MFAP3L: variants seen among roughly 807,000 people sequenced by gnomAD.
MFAP3L encodes the protein microfibril associated protein 3 like, also known as microfibrillar-associated protein 3-like.
MFAP3L carries 5 observed loss-of-function variants against 20.0 expected under a neutral mutation model. That is an observed-to-expected ratio of 0.25 (90% CI 0.13 to 0.53). The LOEUF is 0.53. Among genes scored for constraint, MFAP3L ranks in the 20% least tolerant of loss-of-function variants. The probability of loss-of-function intolerance (pLI) is 0.96; values close to 1 mark genes in which losing one functional copy is unlikely to be tolerated. For missense variants in MFAP3L, 409 were observed against 527.5 expected (o/e 0.78, Z 2.20); for synonymous variants, 219 against 213.0 (o/e 1.03, Z -0.25).
At chr4:170,013,969 A>G (rs1581512088) in intron 1 of MFAP3L, among the ~76,000 whole-genome samples, 1 of 152,208 alleles carries the variant, frequency 6.6e-6, no homozygotes, top group Admixed American at 6.5e-5. Context: ...GGACAGACAC[A>G]CTGATGCAGG....
intron 2 of MFAP3L, chr4:169,994,486 G>T: frequency 1.0e-6 from 1 of 977,986 alleles, no homozygotes; most frequent in Non-Finnish European, 1.2e-6. Flanking sequence ...AATAAAATGT[G>T]AAAATACTAG....
chr4:170,025,296 TA>T (rs1740283043), intron 1 of MFAP3L, among the ~76,000 whole-genome samples: 1 of 152,220 alleles, frequency 6.6e-6, no homozygotes, highest in African/African-American at 2.4e-5. Context: ...GTGTTTCATC[TA>T]GAAACAAAAG....
At chr4:170,016,490 G>A (rs1480913090) in intron 1 of MFAP3L, among the ~76,000 whole-genome samples, 2 of 152,108 alleles carry the variant, frequency 1.3e-5, no homozygotes, top group African/African-American at 2.4e-5. Flanking sequence ...ATGTGAAACC[G>A]TGCCCACCCC....
Position 170,005,606 on chromosome 4 carries a change from TC to T in MFAP3L, c.271del (p.Glu91LysfsTer20). On this transcript the variant is annotated frameshift_variant, in exon 2 of 3. Transcript: ENST00000361618. LOFTEE classifies it high-confidence loss of function. ...TCCTCCTCTCTCCTTCTCATCCTCT[TC>T]TTCTTTCAGCAGCTTGCCAATGGAA... ...YNSIGKLLKEEEDEKERGGGK... is the reference protein window; with the variant it reads ...YNSIGKLLKEXEDEKERGGGK... The T allele has an allele frequency of 6.2e-7, 1 of 1,614,200 alleles. No individual in the cohort carries two copies. Among genetic ancestry groups the T allele is most frequent in the Non-Finnish European group, 8.5e-7 (1 of 1,180,016 alleles).
intron 2 of MFAP3L, chr4:170,003,771 G>T: frequency 1.0e-6 from 1 of 985,468 alleles, no homozygotes; most frequent in Non-Finnish European, 1.2e-6. Context: ...CAGCCCTGCA[G>T]AAAGACCTGC....
chr4:170,011,510 A>G (rs1739378275), intron 1 of MFAP3L, among the ~76,000 whole-genome samples: 1 of 152,202 alleles, frequency 6.6e-6, no homozygotes, highest in Non-Finnish European at 1.5e-5. Flanking sequence ...CAAATGTGAT[A>G]ATCACAGGAA....
In MFAP3L at chr4:169,989,130, T is replaced by G. The variant is rs148358643; in HGVS notation, c.*2248A>C. The G allele has an allele frequency of 6.6e-6, 1 of 152,272 alleles. No homozygotes were observed. Among genetic ancestry groups the G allele is most frequent in the African/African-American group, 2.4e-5 (1 of 41,550 alleles). The allele number at this position is 152,272 out of a possible 1,614,324, so 9.4% of individuals were successfully genotyped here. A position where few individuals can be genotyped will look rare whatever the true frequency, so the allele number is the denominator to read the frequency against. On this transcript the variant is annotated 3_prime_UTR_variant, in exon 3 of 3. Coordinates refer to ENST00000361618, the MANE Select transcript of MFAP3L (RefSeq NM_021647.8). ...GGACCTCCATGACAACTGGAAAATT[T>G]TTATATTCTAAGAGGTGGTGTTAAA...
At chr4:170,001,841 C>T (rs1738643840) in intron 2 of MFAP3L, 1 of 802,470 alleles carries the variant, frequency 1.2e-6, no homozygotes, top group African/African-American at 1.9e-5. Flanking sequence ...TCTCCTGATC[C>T]TGTGGAATTG....
Position 169,991,851 on chromosome 4 carries a change from T to C in MFAP3L, c.757A>G (p.Ile253Val), listed in dbSNP as rs773101411. 3 of 1,614,170 alleles carry C rather than the reference T, an allele frequency of 1.9e-6. No individual in the cohort carries two copies. The highest frequency in any genetic ancestry group is 1.1e-5 in the South Asian group (1 of 91,084). The change falls in exon 3 of 3, where the codon ATC (isoleucine) becomes GTC (valine). Residue 253 changes from isoleucine to valine, a missense_variant. Physicochemically the swap from Ile to Val is conservative, Grantham distance 29. Transcript: ENST00000361618. This position sits in a 1 kb window ranked among gnomAD's most constrained non-coding sequence, Gnocchi z 4.9. ...ACCACCTCCATAATCTCCTCCATGATAGTCCTGCAGTTCATAATGAGAGGC... is the reference window on the plus strand; with the variant it reads ...ACCACCTCCATAATCTCCTCCATGACAGTCCTGCAGTTCATAATGAGAGGC... ...LPPLIMNCRT[I>V]MEEIMEVVGL...
chr4:170,026,628 C>A (rs1204492393), upstream of MFAP3L, among the ~76,000 whole-genome samples: 1 of 152,052 alleles, frequency 6.6e-6, no homozygotes, highest in Non-Finnish European at 1.5e-5. Flanking sequence ...GCATTCAGTC[C>A]GCTCAGCCTC....
chr4:170,003,952 T>C lies in MFAP3L; in HGVS notation c.298+1628A>G. On this transcript the variant is annotated intron_variant, in intron 2 of 2. Coordinates refer to ENST00000361618, the MANE Select transcript of MFAP3L (RefSeq NM_021647.8). ...TTCCACTGTCAGTAGTGAAGGTTCTTGTTATAGCCACTTTTTAAAATTGAG... is the reference window on the plus strand; with the variant it reads ...TTCCACTGTCAGTAGTGAAGGTTCTCGTTATAGCCACTTTTTAAAATTGAG... The C allele has an allele frequency of 5.1e-6, 3 of 592,066 alleles. No homozygotes were observed. In the South Asian group the frequency reaches 2.2e-4, roughly 44 times the overall value. 36.7% of individuals were successfully genotyped at this position (592,066 alleles called of 1,614,324 possible).
chr4:169,998,397 C>T (rs190471313), intron 2 of MFAP3L, among the ~76,000 whole-genome samples: 1 of 152,324 alleles, frequency 6.6e-6, no homozygotes, highest in East Asian at 1.9e-4. Context: ...CAAATTACTG[C>T]TGTACAGCAA....
At chr4:170,021,102 G>T (rs1740008581) in intron 1 of MFAP3L, among the ~76,000 whole-genome samples, 1 of 152,176 alleles carries the variant, frequency 6.6e-6, no homozygotes, top group African/African-American at 2.4e-5. Context: ...AGGGAAAGCA[G>T]AGTACAAGCT....
At chr4:170,013,301 G>A (rs1739497756) in intron 1 of MFAP3L, among the ~76,000 whole-genome samples, 1 of 152,142 alleles carries the variant, frequency 6.6e-6, no homozygotes, top group Non-Finnish European at 1.5e-5. Flanking sequence ...GGTTAAGCCT[G>A]ATCATCAGAA....
chr4:170,010,874 G>C (rs1048762281), intron 1 of MFAP3L, among the ~76,000 whole-genome samples: 1 of 152,044 alleles, frequency 6.6e-6, no homozygotes, highest in Non-Finnish European at 1.5e-5. Flanking sequence ...AGATAATTAG[G>C]GTGATCTCTG....
intron 1 of MFAP3L, among the ~76,000 whole-genome samples, chr4:170,017,364 T>C (rs1022059405): frequency 6.6e-6 from 1 of 152,176 alleles, no homozygotes; most frequent in African/African-American, 2.4e-5. Context: ...CTATGATAAC[T>C]AACTCCCCTT....
chr4:170,008,055 A>G (rs1456816681), intron 1 of MFAP3L, among the ~76,000 whole-genome samples: 1 of 152,292 alleles, frequency 6.6e-6, no homozygotes, highest in East Asian at 1.9e-4. Context: ...GAGTAAAGAG[A>G]AGGGGATACT....
intron 1 of MFAP3L, among the ~76,000 whole-genome samples, chr4:170,014,538 G>C (rs111840695): frequency 0.048 from 7,233 of 152,262 alleles, 245 homozygotes; most frequent in Non-Finnish European, 0.075. Flanking sequence ...CACAAGTCCA[G>C]GCTGTGCGCG....
At chr4:170,000,331 T>G (rs1738525563) in intron 2 of MFAP3L, among the ~76,000 whole-genome samples, 1 of 152,118 alleles carries the variant, frequency 6.6e-6, no homozygotes, top group South Asian at 2.1e-4. Flanking sequence ...TTTGGAAAGG[T>G]TGAGAAATTG....
Sources: allele counts gnomAD v4.1 joint callset (sites outside exome capture counted in the v4.1 genomes callset), GRCh38; gene constraint gnomAD v4.1.1; non-coding constraint Gnocchi (gnomAD v3.1); transcripts MANE v1.5; gene names NCBI Gene and HGNC (gene_info 2026-07-23, HGNC 2026-07-21).